Variants in CHST15 observed in about 807,000 individuals in gnomAD.
CHST15 encodes B cell RAG associated protein (GALNAC4S-6ST).
Under a neutral mutation model 53.6 loss-of-function variants are expected in CHST15, and 30 were observed. The observed-to-expected ratio is 0.56, with a 90% CI of 0.42 to 0.76. CHST15 has a LOEUF of 0.76. Ranked by LOEUF, CHST15 falls within the 30% of genes least tolerant of loss-of-function variation. The probability of loss-of-function intolerance (pLI) is 0.00; values close to 1 mark genes in which losing one functional copy is unlikely to be tolerated. For synonymous variants in CHST15, 296 were observed against 289.8 expected (o/e 1.02, Z -0.22); for missense variants, 627 against 740.5 (o/e 0.85, Z 1.78).
At chr10:124,049,905 G>A (rs552091321) in intron 1 of CHST15, among the ~76,000 whole-genome samples, 8 of 152,152 alleles carry the variant, frequency 5.3e-5, no homozygotes, top group Admixed American at 2.0e-4. Flanking sequence ...TGGTGAGACC[G>A]AGCCCTCAAA....
intron 1 of CHST15, among the ~76,000 whole-genome samples, chr10:124,062,964 T>A (rs1948632221): frequency 6.6e-6 from 1 of 152,124 alleles, no homozygotes; most frequent in Non-Finnish European, 1.5e-5. Context: ...AATGTCTGAA[T>A]AAAACTGCTT....
At position 124,046,168 on chromosome 10, in the gene CHST15, G is replaced by A. The variant is rs200349674; in HGVS notation, c.45C>T (p.Gly15=). The change falls in exon 2 of 8, where the codon GGC becomes GGT. Residue 15 remains glycine (G), a synonymous_variant. Transcript: ENST00000435907. ...GGCAGTTGACCTGCTGCTTGTGTGC[G>A]CCGTCGGGTAACAGCTGTATGCAGC... ...INCCIQLLPD[G]AHKQQVNCQG... is the part of the protein sequence containing the mutation. 9.1e-5 allele frequency: 147 copies of A among 1,613,620 alleles called. No homozygotes were observed. The highest frequency in any genetic ancestry group is 1.7e-4 in the Middle Eastern group (1 of 6,060).
chr10:124,044,977 T>C (rs749303621), intron 2 of CHST15, 58 bp from the exon 3 acceptor site: 80 of 1,234,376 alleles, frequency 6.5e-5, no homozygotes, highest in Non-Finnish European at 7.8e-5. Context: ...AAAGACACAA[T>C]CTAACCGCAA....
chr10:124,068,676 T>C (rs1948822984), intron 1 of CHST15, among the ~76,000 whole-genome samples: 1 of 152,232 alleles, frequency 6.6e-6, no homozygotes, highest in African/African-American at 2.4e-5. Flanking sequence ...ACATATATTT[T>C]AATGTCTTCT....
At position 124,008,348 on chromosome 10, in the gene CHST15, C is replaced by T. The variant is rs945101416; in HGVS notation, c.*1801G>A. 9.6e-7 allele frequency: 1 copy of T among 1,043,530 alleles called. No individual in the cohort carries two copies. Among genetic ancestry groups the T allele is most frequent in the Non-Finnish European group, 1.2e-6 (1 of 866,382 alleles). The allele number at this position is 1,043,530 out of a possible 1,614,324, so 64.6% of individuals were successfully genotyped here. ...GCACTCACCCACACGTGCGCGTACA[C>T]ACACACACACGCGCGCACTGTACTG... On this transcript the variant is annotated 3_prime_UTR_variant, in exon 8 of 8. Transcript: ENST00000435907.
intron 1 of CHST15, among the ~76,000 whole-genome samples, chr10:124,085,866 T>A (rs2134240907): frequency 6.6e-6 from 1 of 152,152 alleles, no homozygotes; most frequent in East Asian, 1.9e-4. Flanking sequence ...GGGGGCTCGA[T>A]GATGAAGTAG....
chr10:124,012,488 C>G lies in CHST15; in HGVS notation c.1348-8G>C, dbSNP rs1946446073. On this transcript the variant is annotated splice_region_variant and splice_polypyrimidine_tract_variant and intron_variant, in intron 6 of 7. Coordinates refer to ENST00000435907, the MANE Select transcript of CHST15 (RefSeq NM_001270764.2). ...CCCAACCTGGAGCCTCACCTAGGAC[C>G]ACAGAAGAAGGGCATTATTTCAGGA... The G allele has an allele frequency of 1.0e-5, 16 of 1,607,364 alleles. No homozygotes were observed. Among genetic ancestry groups the G allele is most frequent in the Non-Finnish European group, 1.3e-5 (15 of 1,175,200 alleles).
chr10:124,028,408 C>T (rs1302059194), intron 5 of CHST15, among the ~76,000 whole-genome samples: 1 of 152,208 alleles, frequency 6.6e-6, no homozygotes, highest in African/African-American at 2.4e-5. Context: ...AAACCTCTCC[C>T]CATAGTGGGT....
intron 1 of CHST15, among the ~76,000 whole-genome samples, chr10:124,059,392 A>T: frequency 6.6e-6 from 1 of 152,210 alleles, no homozygotes; most frequent in African/African-American, 2.4e-5. Context: ...TTGCTGTCCA[A>T]CAATTTTTCC....
At chr10:124,077,265 G>T (rs1016897741) in intron 1 of CHST15, among the ~76,000 whole-genome samples, 3 of 152,290 alleles carry the variant, frequency 2.0e-5, no homozygotes, top group Admixed American at 2.0e-4. Flanking sequence ...ATGACAATCA[G>T]AATCTTACAT....
intron 5 of CHST15, among the ~76,000 whole-genome samples, chr10:124,035,007 A>G (rs1947401710): frequency 8.1e-6 from 1 of 123,966 alleles, no homozygotes. Context: ...CCTAATAGGG[A>G]CCCTGGCTCT....
chr10:124,027,847 C>G (rs565849432), intron 5 of CHST15, among the ~76,000 whole-genome samples: 1 of 152,342 alleles, frequency 6.6e-6, no homozygotes, highest in East Asian at 1.9e-4. Flanking sequence ...CTGCCTGACC[C>G]CAAAGCGCCT....
intron 1 of CHST15, among the ~76,000 whole-genome samples, chr10:124,056,739 G>T (rs1386014695): frequency 1.3e-5 from 2 of 152,250 alleles, no homozygotes; most frequent in African/African-American, 4.8e-5. Context: ...CCTGGGCTGT[G>T]TGCAGTTGGA....
At position 124,057,495 on chromosome 10, in the gene CHST15, A is replaced by G. The variant is rs776416163; in HGVS notation, c.-512-10771T>C. 2.6e-4 allele frequency among the ~76,000 whole-genome samples: 39 copies of G among 152,336 alleles called. 1 individual carries two copies. The highest frequency in any genetic ancestry group is 3.4e-3 in the Middle Eastern group (1 of 294). ...AAGACCGCAGCGTGTCCAGTCGTAC[A>G]GGCCTGGGCTGCAGCGTGTCCGTTC... On this transcript the variant is annotated intron_variant, in intron 1 of 7. Coordinates refer to ENST00000435907, the MANE Select transcript of CHST15 (RefSeq NM_001270764.2).
intron 1 of CHST15, among the ~76,000 whole-genome samples, chr10:124,088,475 G>C (rs1949505873): frequency 6.6e-6 from 1 of 152,198 alleles, no homozygotes; most frequent in Admixed American, 6.5e-5. Context: ...ATGAGAAACT[G>C]CTTCCCACTT....
intron 5 of CHST15, among the ~76,000 whole-genome samples, chr10:124,027,149 G>C (rs1947043358): frequency 6.6e-6 from 1 of 152,204 alleles, no homozygotes; most frequent in Non-Finnish European, 1.5e-5. Context: ...GGCCTTCTGT[G>C]CTGCGGTTAT....
chr10:124,046,471 GAGA>G lies in CHST15; in HGVS notation c.-262_-260del, dbSNP rs932633933. 5.2e-6 allele frequency: 2 copies of G among 384,414 alleles called. No individual in the cohort carries two copies. The highest frequency in any genetic ancestry group is 4.1e-5 in the African/African-American group (2 of 48,264). 23.8% of individuals were successfully genotyped at this position (384,414 alleles called of 1,614,324 possible). A position where few individuals can be genotyped will look rare whatever the true frequency, so the allele number is the denominator to read the frequency against. On this transcript the variant is annotated 5_prime_UTR_variant, in exon 2 of 8. Transcript: ENST00000435907. ...TTCTACAAGAGCCGCTGCAACCTCA[GAGA>G]AGGTCACAAGTTCGGGAGCAGCTCT...
intron 5 of CHST15, among the ~76,000 whole-genome samples, chr10:124,022,477 G>A (rs1312055427): frequency 6.6e-6 from 1 of 152,220 alleles, no homozygotes; most frequent in Non-Finnish European, 1.5e-5. Context: ...GGGCCCACAG[G>A]AGCACCTTCG....
intron 5 of CHST15, among the ~76,000 whole-genome samples, chr10:124,037,564 G>A (rs1947548620): frequency 6.6e-6 from 1 of 152,172 alleles, no homozygotes. Context: ...TGGAAGTATT[G>A]GAGGGAGCAC....
Sources: gnomAD v4.1 joint callset for allele counts (sites outside exome capture counted in the v4.1 genomes callset) on GRCh38, gnomAD v4.1.1 for gene constraint, MANE v1.5 for transcripts, NCBI Gene and HGNC (gene_info 2026-07-23, HGNC 2026-07-21) for gene names.